Variants in ARHGEF4 observed in about 807,000 individuals in gnomAD.
ARHGEF4 encodes Rho guanine nucleotide exchange factor 4.
In ARHGEF4, 119 loss-of-function variants were observed where a neutral mutation model predicts 162.0. The observed-to-expected ratio is 0.73, with a 90% CI of 0.63 to 0.86. The LOEUF is 0.86. ARHGEF4 is among the 40% of genes least tolerant of loss of function. ARHGEF4 has a pLI of 0.00. For missense variants in ARHGEF4, 2,488 were observed against 2,456.0 expected (o/e 1.01, Z -0.28); for synonymous variants, 1,014 against 979.9 (o/e 1.03, Z -0.65).
chr2:130,902,542 C>G lies in ARHGEF4; in HGVS notation c.40-11444C>G, dbSNP rs556108678. ...CTGGGAGGCGGAGGTTGCAGTGAGC[C>G]GAGATAGCGCCACTGCACTCCAGCC... On this transcript the variant is annotated intron_variant, in intron 1 of 13. Coordinates refer to ENST00000409359, the MANE Select transcript of ARHGEF4 (RefSeq NM_001367493.1). 2.9e-4 allele frequency among the ~76,000 whole-genome samples: 43 copies of G among 150,024 alleles called. No individual in the cohort carries two copies. The East Asian group carries it at 7.5e-3, about 26-fold the overall frequency.
At chr2:131,044,150 C>T in intron 11 of ARHGEF4, 149 bp from the exon 12 acceptor site, 1 of 1,198,742 alleles carries the variant, frequency 8.3e-7, no homozygotes, top group South Asian at 1.5e-5. Context: ...CTGCAGAAGG[C>T]ATGCTCTGCC....
chr2:131,041,776 T>C (rs10206074), intron 9 of ARHGEF4, 39 bp from the exon 10 acceptor site: 1 of 1,603,300 alleles, frequency 6.2e-7, no homozygotes, highest in Non-Finnish European at 8.5e-7. Context: ...TTTCTCTGTC[T>C]CCAGCCTGCA....
At chr2:131,033,904 A>G (rs915230264) in intron 5 of ARHGEF4, among the ~76,000 whole-genome samples, 2 of 152,172 alleles carry the variant, frequency 1.3e-5, no homozygotes, top group African/African-American at 4.8e-5. Flanking sequence ...ACATACACAC[A>G]GGTACCCATA....
intron 4 of ARHGEF4, among the ~76,000 whole-genome samples, chr2:130,972,419 C>T (rs922417564): frequency 3.9e-5 from 6 of 152,210 alleles, no homozygotes; most frequent in Non-Finnish European, 7.3e-5. Context: ...GAGCCACAGT[C>T]ACCTTCTTGA....
At chr2:130,890,997 C>T (rs544492552) in intron 1 of ARHGEF4, among the ~76,000 whole-genome samples, 12 of 152,290 alleles carry the variant, frequency 7.9e-5, no homozygotes, top group African/African-American at 2.9e-4. Flanking sequence ...ACCTCTGAGG[C>T]AGAGAGAGGC....
chr2:130,875,594 A>G lies in ARHGEF4; in HGVS notation c.40-38392A>G, dbSNP rs1224836204. Among the ~76,000 whole-genome samples, 8 of 151,840 alleles carry G rather than the reference A, an allele frequency of 5.3e-5. No homozygotes were observed. The East Asian group carries it at 1.6e-3, about 29-fold the overall frequency. On this transcript the variant is annotated intron_variant, in intron 1 of 13. Transcript: ENST00000409359. ...AATTCAGTCCTGCAAGAACTCACTCACTCCCAGGAGAATTAACCTAGTCCC... is the reference window on the plus strand; with the variant it reads ...AATTCAGTCCTGCAAGAACTCACTCGCTCCCAGGAGAATTAACCTAGTCCC...
At chr2:130,902,196 G>A (rs191063131) in intron 1 of ARHGEF4, among the ~76,000 whole-genome samples, 1 of 152,196 alleles carries the variant, frequency 6.6e-6, no homozygotes, top group Admixed American at 6.5e-5. Context: ...AATTCTGTGG[G>A]TACAAATGAA....
intron 4 of ARHGEF4, among the ~76,000 whole-genome samples, chr2:131,009,673 G>A (rs2105329524): frequency 6.6e-6 from 1 of 152,154 alleles, no homozygotes; most frequent in South Asian, 2.1e-4. Context: ...GTATTCTCCA[G>A]TTCTGGAATT....
At chr2:130,886,701 G>A (rs1679549969) in intron 1 of ARHGEF4, among the ~76,000 whole-genome samples, 2 of 151,532 alleles carry the variant, frequency 1.3e-5, no homozygotes, top group Admixed American at 6.6e-5. Context: ...AAAAAGGTTG[G>A]ATGATTTATC....
At chr2:130,999,781 C>T (rs936235757) in intron 4 of ARHGEF4, among the ~76,000 whole-genome samples, 2 of 152,222 alleles carry the variant, frequency 1.3e-5, no homozygotes, top group Non-Finnish European at 2.9e-5. Flanking sequence ...TGGCTCACTG[C>T]AACCTCTGCC....
Position 130,914,502 on chromosome 2 carries a change from C to T in ARHGEF4, c.556C>T (p.Gln186Ter). Residue 186 changes from glutamine (Q) to a stop codon, truncating the protein, a stop_gained, in exon 2 of 14, where the codon CAG (glutamine) becomes TAG (stop). Transcript: ENST00000409359. LOFTEE classifies it high-confidence loss of function. ...GVPRHTGCCL[Q>*]RATDSSGPEP... is the part of the protein sequence containing the mutation. ...TCCCCGACACACAGGGTGCTGCTTA[C>T]AGAGGGCCACAGACAGCAGTGGTCC... 3 of 1,430,588 alleles carry T rather than the reference C, an allele frequency of 2.1e-6. No individual in the cohort carries two copies. Among genetic ancestry groups the T allele is most frequent in the Non-Finnish European group, 2.7e-6 (3 of 1,098,188 alleles). 88.6% of individuals were successfully genotyped at this position (1,430,588 alleles called of 1,614,324 possible).
intron 1 of ARHGEF4, among the ~76,000 whole-genome samples, chr2:130,907,119 C>A (rs1680861786): frequency 6.6e-6 from 1 of 151,428 alleles, no homozygotes; most frequent in Non-Finnish European, 1.5e-5. Flanking sequence ...ATGGATCATA[C>A]AATATGCAGT....
intron 3 of ARHGEF4, among the ~76,000 whole-genome samples, chr2:130,935,532 TAG>T (rs1272899180): frequency 1.2e-4 from 19 of 152,226 alleles, no homozygotes; most frequent in Non-Finnish European, 2.6e-4. Flanking sequence ...CCTCTCAGCA[TAG>T]CGTTCACTGC....
At chr2:130,898,848 G>T (rs889808040) in intron 1 of ARHGEF4, among the ~76,000 whole-genome samples, 1 of 152,164 alleles carries the variant, frequency 6.6e-6, no homozygotes, top group African/African-American at 2.4e-5. Context: ...ACAGATTGTA[G>T]TCTCTGTGGG....
chr2:130,914,522 T>C lies in ARHGEF4; in HGVS notation c.576T>C (p.Ser192=). The change falls in exon 2 of 14, where the codon AGT becomes AGC. Residue 192 remains serine, a synonymous_variant. Transcript: ENST00000409359. Reference sequence around the variant, plus strand: ...GCTTACAGAGGGCCACAGACAGCAGTGGTCCTGAGCCAGTACAGGGGGTGG... The same window carrying C: ...GCTTACAGAGGGCCACAGACAGCAGCGGTCCTGAGCCAGTACAGGGGGTGG... ...GCCLQRATDS[S]GPEPVQGVAV... 1.4e-6 allele frequency: 2 copies of C among 1,427,312 alleles called. No homozygotes were observed. The highest frequency in any genetic ancestry group is 1.8e-6 in the Non-Finnish European group (2 of 1,096,486). 88.4% of individuals were successfully genotyped at this position (1,427,312 alleles called of 1,614,324 possible).
rs141778984 is a variant in ARHGEF4, at chr2:130,931,147, G to A, written c.3748G>A (p.Val1250Ile). The change falls in exon 3 of 14, where the codon GTC (valine) becomes ATC (isoleucine). Residue 1250 changes from valine to isoleucine, a missense_variant. By Grantham distance (29) the Val-to-Ile change is conservative (BLOSUM62 3). Transcript: ENST00000409359. ...QPRGIPHRSP[V>I]SVDDLWLEKT... ...TAGGGGCATCCCTCACCGCTCGCCC[G>A]TCAGTGTGGATGACCTGTGGCTGGA... 288 of 1,614,196 alleles carry A rather than the reference G, an allele frequency of 1.8e-4. No individual in the cohort carries two copies. In the African/African-American group the frequency reaches 2.2e-3, roughly 12 times the overall value.
chr2:130,917,084 C>T lies in ARHGEF4; in HGVS notation c.3138C>T (p.Ile1046=), dbSNP rs1681545896. Residue 1046 remains isoleucine (I), a synonymous_variant, in exon 2 of 14, where the codon ATC becomes ATT. Transcript: ENST00000409359. ...GCGGTAGGTACCTACCTTCAGGTAT[C>T]TTTCCGGAAAAGTCCTGGCTGGCGT... ...QEGGRYLPSG[I]FPEKSWLASP... is the part of the protein sequence containing the mutation. 1.3e-6 allele frequency: 2 copies of T among 1,550,654 alleles called. No homozygotes were observed. The highest frequency in any genetic ancestry group is 4.9e-5 in the East Asian group (2 of 40,892).
chr2:130,856,386 G>A (rs1681786365), intron 1 of ARHGEF4, among the ~76,000 whole-genome samples: 1 of 152,022 alleles, frequency 6.6e-6, no homozygotes, highest in East Asian at 1.9e-4. Flanking sequence ...AACATATATG[G>A]GGATAAAAGG....
At chr2:130,847,162 A>G (rs1441681747) in intron 1 of ARHGEF4, among the ~76,000 whole-genome samples, 1 of 152,212 alleles carries the variant, frequency 6.6e-6, no homozygotes, top group Non-Finnish European at 1.5e-5. Context: ...CTGGCCCCAA[A>G]GCCGGCTGCA....
Sources: allele counts gnomAD v4.1 joint callset (sites outside exome capture counted in the v4.1 genomes callset), GRCh38; gene constraint gnomAD v4.1.1; transcripts MANE v1.5; gene names NCBI Gene and HGNC (gene_info 2026-07-23, HGNC 2026-07-21).